Variants in CP observed in about 807,000 individuals in gnomAD.
CP encodes caeruloplasmin.
In CP, 64 loss-of-function variants were observed where a neutral mutation model predicts 122.4. The ratio of observed to expected loss-of-function variants is 0.52; its 90% confidence interval spans 0.43 to 0.64. The LOEUF (loss-of-function observed/expected upper bound fraction) is 0.64. CP is among the 30% of genes least tolerant of loss of function. CP has a pLI of 0.00. For missense variants in CP, 1,167 were observed against 1,284.4 expected, an observed-to-expected ratio of 0.91 and a Z score of 1.40; for synonymous variants, 440 against 436.4, an observed-to-expected ratio of 1.01 and a Z score of -0.10.
At chr3:149,190,322 C>T (rs1177317889) in intron 9 of CP, among the ~76,000 whole-genome samples, 3 of 151,950 alleles carry the variant, frequency 2.0e-5, no homozygotes, top group Non-Finnish European at 4.4e-5. Flanking sequence ...AAAGAAGTGC[C>T]TGACTGGACT....
At position 149,198,356 on chromosome 3, in the gene CP, G is replaced by A; in HGVS notation, c.1713+11C>T. On this transcript the variant is annotated intron_variant, in intron 9 of 18. Transcript: ENST00000264613. ...AGATTGAACAATTTTTTTTTCCCCA[G>A]TTGGACTTACCTGTCTCCCATTTGC... 6.2e-7 allele frequency: 1 copy of A among 1,607,860 alleles called. No individual in the cohort carries two copies. Among genetic ancestry groups the A allele is most frequent in the Middle Eastern group, 1.7e-4 (1 of 6,034 alleles).
In CP at chr3:149,199,715, T is replaced by A; in HGVS notation, c.1498A>T (p.Arg500Ter). The change falls in exon 8 of 19, where the codon AGA becomes TGA. Residue 500 changes from arginine (R) to a stop codon, truncating the protein, a stop_gained. Transcript: ENST00000264613. LOFTEE classifies it high-confidence loss of function. ...TTACACAGTGCTGTATACTCACTTC[T>A]GCTCTGGGGGTTGTAATTTGGGGAA... ...YYSPNYNPQS[R>*]SVPPSASHVA... 6.2e-7 allele frequency: 1 copy of A among 1,614,116 alleles called. No individual in the cohort carries two copies. Among genetic ancestry groups the A allele is most frequent in the Non-Finnish European group, 8.5e-7 (1 of 1,180,008 alleles).
At chr3:149,213,094 G>A (rs1472998783) in intron 1 of CP, among the ~76,000 whole-genome samples, 10 of 152,106 alleles carry the variant, frequency 6.6e-5, no homozygotes, top group Admixed American at 6.5e-4. Flanking sequence ...TTAGCTACTG[G>A]AAAAATTTGA....
intron 6 of CP, among the ~76,000 whole-genome samples, chr3:149,205,770 G>A (rs1019679110): frequency 6.6e-6 from 1 of 152,072 alleles, no homozygotes; most frequent in African/African-American, 2.4e-5. Flanking sequence ...TTGTTTAAAG[G>A]GTTCAGAGTT....
intron 16 of CP, 22 bp from the exon 17 acceptor site, chr3:149,178,001 A>C: frequency 6.2e-7 from 1 of 1,608,878 alleles, no homozygotes; most frequent in Non-Finnish European, 8.5e-7. Flanking sequence ...ATATGGTTTT[A>C]TGTTACTTTT....
At chr3:149,199,658 A>C in intron 8 of CP, 54 bp downstream of exon 8, 1 of 1,598,140 alleles carries the variant, frequency 6.3e-7, no homozygotes, top group Non-Finnish European at 8.6e-7. Context: ...GTCAGTGACC[A>C]GTACAGTGGG....
intron 18 of CP, among the ~76,000 whole-genome samples, chr3:149,174,241 A>T (rs1398010249): frequency 6.6e-6 from 1 of 152,194 alleles, no homozygotes; most frequent in Non-Finnish European, 1.5e-5. Flanking sequence ...GCAGTACATG[A>T]TCCGGGATTT....
At chr3:149,219,599 A>G (rs1325640074) in intron 1 of CP, among the ~76,000 whole-genome samples, 1 of 152,132 alleles carries the variant, frequency 6.6e-6, no homozygotes, top group Admixed American at 6.6e-5. Flanking sequence ...CTTCCCAGCC[A>G]TGTGGAACTG....
At chr3:149,198,341 A>ATT in intron 9 of CP, 26 bp downstream of exon 9, 2 of 1,552,170 alleles carry the variant, frequency 1.3e-6, no homozygotes, top group Non-Finnish European at 1.8e-6. Flanking sequence ...AGATTGAACA[A>ATT]TTTTTTTTTC....
chr3:149,212,721 T>G, intron 1 of CP, 23 bp from the exon 2 acceptor site: 1 of 1,611,736 alleles, frequency 6.2e-7, no homozygotes, highest in Non-Finnish European at 8.5e-7. Flanking sequence ...ACAAGACAAC[T>G]CTATCAGAAG....
chr3:149,175,570 A>G (rs1412877725), intron 18 of CP, among the ~76,000 whole-genome samples: 1 of 152,014 alleles, frequency 6.6e-6, no homozygotes, highest in Non-Finnish European at 1.5e-5. Context: ...TCTAATTACA[A>G]CAATCCTCAA....
At chr3:149,181,835 A>G (rs1475400497) in intron 14 of CP, among the ~76,000 whole-genome samples, 170 bp downstream of exon 14, 2 of 151,618 alleles carry the variant, frequency 1.3e-5, no homozygotes, top group South Asian at 2.1e-4. Flanking sequence ...TTTTTTTAGT[A>G]CAAGCATGTG....
intron 18 of CP, among the ~76,000 whole-genome samples, chr3:149,175,664 A>AGTGTGTGTGTGTGT (rs60005904): frequency 0.12 from 17,064 of 145,454 alleles, 1,064 homozygotes; most frequent in Non-Finnish European, 0.14. Context: ...CTCCATTTTA[A>AGTGTGTGTGTGTGT]GTGTGTGTGT....
chr3:149,210,728 G>A (rs185075370), intron 2 of CP, among the ~76,000 whole-genome samples: 6 of 152,156 alleles, frequency 3.9e-5, no homozygotes, highest in Non-Finnish European at 7.4e-5. Flanking sequence ...TTTTGCCCAC[G>A]AAGTAACCAT....
chr3:149,201,210 G>A (rs573739034), intron 7 of CP, among the ~76,000 whole-genome samples: 182 of 152,172 alleles, frequency 1.2e-3, no homozygotes, highest in African/African-American at 4.3e-3. Flanking sequence ...TGTAAGCTCC[G>A]CCTCCCGAGT....
chr3:149,210,511 C>A, intron 2 of CP, 132 bp from the exon 3 acceptor site: 1 of 806,744 alleles, frequency 1.2e-6, no homozygotes, highest in Non-Finnish European at 2.1e-6. Context: ...ATGTGTTATC[C>A]TATTTGGACA....
At chr3:149,205,591 A>G (rs1333050398) in intron 6 of CP, among the ~76,000 whole-genome samples, 1 of 152,138 alleles carries the variant, frequency 6.6e-6, no homozygotes, top group Non-Finnish European at 1.5e-5. Context: ...GATGCATGCT[A>G]CAACATGAAC....
At position 149,210,167 on chromosome 3, in the gene CP, C is replaced by T; in HGVS notation, c.607G>A (p.Asp203Asn). 1 of 1,613,762 alleles carries T rather than the reference C, an allele frequency of 6.2e-7. No homozygotes were observed. Among genetic ancestry groups the T allele is most frequent in the Non-Finnish European group, 8.5e-7 (1 of 1,179,762 alleles). ...LIGPLIICKK[D>N]SLDKEKEKHI... ...CATGTGCAATAAGGAGAAGATGTAC[C>T]TTTTTTACAGATTATTAAAGGTCCG... is the stretch of plus-strand genomic sequence containing the variant. Residue 203 changes from aspartate (D) to asparagine (N), a missense_variant and splice_region_variant, in exon 3 of 19, where the codon GAT becomes AAT. Physicochemically the swap from Asp to Asn is conservative, Grantham distance 23. This residue lies in a region of CP where 642 missense variants were observed against 627.3 expected (regional missense o/e 1.02). Coordinates refer to ENST00000264613, the MANE Select transcript of CP (RefSeq NM_000096.4).
At chr3:149,169,156 C>G (rs1029021648), downstream of CP, among the ~76,000 whole-genome samples, 1 of 152,062 alleles carries the variant, frequency 6.6e-6, no homozygotes, top group African/African-American at 2.4e-5. Context: ...TCAAGCTACA[C>G]ATTCCTCACC....
Sources: allele counts gnomAD v4.1 joint callset (sites outside exome capture counted in the v4.1 genomes callset), GRCh38; gene constraint gnomAD v4.1.1; regional missense constraint gnomAD v4.1.1; transcripts MANE v1.5; gene names NCBI Gene and HGNC (gene_info 2026-07-23, HGNC 2026-07-21).